The following KNTC1 variants were observed in gnomAD, a reference collection of about 807,000 sequenced individuals.
KNTC1 encodes kinetochore associated 1, also known as kinetochore-associated protein 1.
Under a neutral mutation model 314.4 loss-of-function variants are expected in KNTC1, and 253 were observed. The ratio of observed to expected loss-of-function variants is 0.80; its 90% confidence interval spans 0.73 to 0.89. The LOEUF (loss-of-function observed/expected upper bound fraction) is 0.89. Ranked by LOEUF, KNTC1 falls within the 40% of genes least tolerant of loss-of-function variation. The pLI is 0.00. For synonymous variants in KNTC1, 901 were observed against 901.4 expected (o/e 1.00, Z 0.01); for missense variants, 2,475 against 2,572.9 (o/e 0.96, Z 0.82).
At chr12:122,578,043 T>C (rs1228571271) in intron 31 of KNTC1, among the ~76,000 whole-genome samples, 1 of 152,168 alleles carries the variant, frequency 6.6e-6, no homozygotes, top group Non-Finnish European at 1.5e-5. Context: ...GCAGCTGTTG[T>C]ACACGAAAGG....
chr12:122,535,889 GTTT>G (rs1190271040), intron 3 of KNTC1, among the ~76,000 whole-genome samples: 2 of 133,534 alleles, frequency 1.5e-5, no homozygotes. Flanking sequence ...TATTATGAAA[GTTT>G]TTTTTTTTTT....
Position 122,575,269 on chromosome 12 carries a change from C to CA in KNTC1, c.2383-266dup, listed in dbSNP as rs986588450. Among the ~76,000 whole-genome samples the CA allele has an allele frequency of 2.0e-5, 3 of 151,398 alleles. No homozygotes were observed. In the East Asian group the frequency reaches 5.8e-4, roughly 29 times the overall value. On this transcript the variant is annotated intron_variant, in intron 27 of 63. Transcript: ENST00000333479. The stretch of plus-strand genomic sequence containing the variant: ...GGAACATGACCCTGCCTCAAAAAAA[C>CA]AAAAAAAACCCAGGGATTGTAGAGA...
chr12:122,572,809 A>T, intron 24 of KNTC1, 128 bp from the exon 25 acceptor site: 1 of 686,818 alleles, frequency 1.5e-6, no homozygotes, highest in Non-Finnish European at 2.4e-6. Context: ...AAGTTGGTTT[A>T]AAGTTGCAGG....
intron 62 of KNTC1, among the ~76,000 whole-genome samples, chr12:122,623,514 T>C (rs1256121120): frequency 6.6e-6 from 1 of 152,236 alleles, no homozygotes; most frequent in South Asian, 2.1e-4. Flanking sequence ...ATTGTCATTT[T>C]TGAGCAAGTA....
chr12:122,612,101 T>C (rs1311897488), intron 53 of KNTC1, among the ~76,000 whole-genome samples: 1 of 151,848 alleles, frequency 6.6e-6, no homozygotes, highest in African/African-American at 2.4e-5. Flanking sequence ...AGTCTTGCTC[T>C]GTCACCCAGG....
At chr12:122,599,889 G>A (rs1039847058) in intron 44 of KNTC1, among the ~76,000 whole-genome samples, 1 of 151,982 alleles carries the variant, frequency 6.6e-6, no homozygotes, top group Admixed American at 6.6e-5. Flanking sequence ...CTAGTAGTAC[G>A]TGCCTGCAGT....
intron 43 of KNTC1, among the ~76,000 whole-genome samples, chr12:122,596,272 C>T (rs936661348): frequency 3.3e-5 from 5 of 151,470 alleles, no homozygotes; most frequent in Non-Finnish European, 5.9e-5. Context: ...TAGTAGAGAC[C>T]GGGTTTCACC....
In KNTC1 at chr12:122,597,813, G is replaced by C; in HGVS notation, c.4438G>C (p.Gly1480Arg). The C allele has an allele frequency of 6.2e-7, 1 of 1,614,030 alleles. No individual in the cohort carries two copies. Among genetic ancestry groups the C allele is most frequent in the Non-Finnish European group, 8.5e-7 (1 of 1,179,898 alleles). Residue 1480 changes from glycine (G) to arginine (R), a missense_variant, in exon 44 of 64, where the codon GGA (glycine) becomes CGA (arginine). By Grantham distance (125) the Gly-to-Arg change is moderately radical. Coordinates refer to ENST00000333479, the MANE Select transcript of KNTC1 (RefSeq NM_014708.6). The part of the protein sequence containing the change: ...LHNTNAGQGQ[G>R]DASMDSAKRR... ...CAACACAAATGCCGGCCAAGGCCAG[G>C]GAGATGCAAGCATGGACTCTGCAAA...
At chr12:122,537,737 C>T (rs1961955750) in intron 3 of KNTC1, among the ~76,000 whole-genome samples, 1 of 151,952 alleles carries the variant, frequency 6.6e-6, no homozygotes, top group African/African-American at 2.4e-5. Flanking sequence ...CTATTTCTGT[C>T]TTAGAATATG....
chr12:122,544,782 T>C (rs746853680), intron 8 of KNTC1, among the ~76,000 whole-genome samples: 1 of 152,194 alleles, frequency 6.6e-6, no homozygotes, highest in African/African-American at 2.4e-5. Flanking sequence ...AGATGGAGAT[T>C]AGTGAAAATA....
intron 18 of KNTC1, 77 bp downstream of exon 18, chr12:122,557,766 A>T: frequency 1.0e-6 from 1 of 1,001,572 alleles, no homozygotes; most frequent in Non-Finnish European, 1.5e-6. Flanking sequence ...CCTGCCTCAA[A>T]TATATCTTTT....
intron 51 of KNTC1, 170 bp from the exon 52 acceptor site, chr12:122,609,214 G>A (rs1872853630): frequency 9.8e-6 from 6 of 611,736 alleles, no homozygotes; most frequent in Admixed American, 3.1e-5. Flanking sequence ...ACAAATATGA[G>A]TAGACCCATC....
At chr12:122,547,135 GA>G (rs1175358076) in intron 10 of KNTC1, among the ~76,000 whole-genome samples, 2 of 152,046 alleles carry the variant, frequency 1.3e-5, no homozygotes, top group Non-Finnish European at 2.9e-5. Context: ...CGCCTGGTCT[GA>G]AATGTAAATT....
chr12:122,538,254 T>C, intron 3 of KNTC1, 85 bp from the exon 4 acceptor site: 1 of 776,356 alleles, frequency 1.3e-6, no homozygotes, highest in Non-Finnish European at 2.1e-6. Flanking sequence ...ATCGTTGGCT[T>C]TTTAATGAGA....
Position 122,539,769 on chromosome 12 carries a change from ATTTTT to A in KNTC1, c.445+20_445+24del. ...TTCAAATGAAGGTAAGTTTTCCTGA[ATTTTT>A]TTTTGAATGACTTTTTTTTTTTTTT... On this transcript the variant is annotated intron_variant, in intron 5 of 63. Coordinates refer to ENST00000333479, the MANE Select transcript of KNTC1 (RefSeq NM_014708.6). 1 of 1,418,916 alleles carries A rather than the reference ATTTTT, an allele frequency of 7.0e-7. No individual in the cohort carries two copies. The highest frequency in any genetic ancestry group is 2.6e-5 in the East Asian group (1 of 38,198). 87.9% of individuals were successfully genotyped at this position (1,418,916 alleles called of 1,614,324 possible). A position where few individuals can be genotyped will look rare whatever the true frequency, so the allele number is the denominator to read the frequency against.
At chr12:122,562,439 T>TTGTGTGTG (rs4039211) in intron 19 of KNTC1, among the ~76,000 whole-genome samples, 199 bp from the exon 20 acceptor site, 1,956 of 145,054 alleles carry the variant, frequency 0.013, 27 homozygotes, top group Middle Eastern at 0.032. Flanking sequence ...ATCCCATGTT[T>TTGTGTGTG]TGTGTGTGTG....
chr12:122,562,439 TTGTGTGTGTGTGTG>T (rs4039211), intron 19 of KNTC1, among the ~76,000 whole-genome samples, 185 bp from the exon 20 acceptor site: 25,187 of 145,034 alleles, frequency 0.17, 2,415 homozygotes, highest in East Asian at 0.44. Flanking sequence ...ATCCCATGTT[TTGTGTGTGTGTGTG>T]TGTGTGTGTG....
At chr12:122,619,813 A>C (rs1452703622) in intron 59 of KNTC1, among the ~76,000 whole-genome samples, 1 of 152,136 alleles carries the variant, frequency 6.6e-6, no homozygotes, top group Non-Finnish European at 1.5e-5. Flanking sequence ...ATGAGTACCT[A>C]CTGTATGAGC....
chr12:122,558,114 G>A (rs141559797), intron 18 of KNTC1, among the ~76,000 whole-genome samples: 4 of 151,862 alleles, frequency 2.6e-5, no homozygotes, highest in African/African-American at 9.7e-5. Context: ...GTTGGGCGTG[G>A]TGGCACGTGC....
Sources: allele counts gnomAD v4.1 joint callset (sites outside exome capture counted in the v4.1 genomes callset), GRCh38; gene constraint gnomAD v4.1.1; transcripts MANE v1.5; gene names NCBI Gene and HGNC (gene_info 2026-07-23, HGNC 2026-07-21).